Variants in FAM178B observed in about 807,000 individuals in gnomAD.
FAM178B encodes the protein protein FAM178B.
A neutral mutation model predicts 91.7 loss-of-function variants in FAM178B; 82 were observed. The observed-to-expected ratio is 0.89, with a 90% CI of 0.75 to 1.07. FAM178B has a LOEUF of 1.07. FAM178B is among the 50% of genes least tolerant of loss of function. FAM178B has a pLI of 0.00. For synonymous variants in FAM178B, 368 were observed against 359.4 expected (o/e 1.02, Z -0.27); for missense variants, 769 against 846.7 (o/e 0.91, Z 1.14).
At chr2:96,905,816 G>GTGTA (rs1328388189) in intron 12 of FAM178B, among the ~76,000 whole-genome samples, 1 of 36,748 alleles carries the variant, frequency 2.7e-5, no homozygotes, top group Non-Finnish European at 4.5e-5. Flanking sequence ...ACATATATGT[G>GTGTA]TGTATATATA....
Position 96,972,322 on chromosome 2 carries a change from C to T in FAM178B, c.143G>A (p.Gly48Glu). 1 of 1,467,130 alleles carries T rather than the reference C, an allele frequency of 6.8e-7. No homozygotes were observed. The highest frequency in any genetic ancestry group is 1.4e-5 in the South Asian group (1 of 70,650). The allele number at this position is 1,467,130 out of a possible 1,614,324, so 90.9% of individuals were successfully genotyped here. Residue 48 changes from glycine to glutamate, a missense_variant and splice_region_variant, in exon 3 of 17, where the codon GGG (glycine) becomes GAG (glutamate). Gly to Glu is a moderately conservative substitution (Grantham distance 98). Coordinates refer to ENST00000490605, the MANE Select transcript of FAM178B (RefSeq NM_001122646.3). Reference sequence around the variant, plus strand: ...GGGCACGGTGGCGGCAGCCTGCACCCCTGCAGACAGGACAGAATACTGTGG... The same window carrying T: ...GGGCACGGTGGCGGCAGCCTGCACCTCTGCAGACAGGACAGAATACTGTGG... ...ETVLALPLREGVQAAATVPIL... is the reference protein window; with the variant it reads ...ETVLALPLREEVQAAATVPIL...
At chr2:96,922,839 A>G (rs2081365854) in intron 10 of FAM178B, among the ~76,000 whole-genome samples, 9 of 151,060 alleles carry the variant, frequency 6.0e-5, no homozygotes, top group Admixed American at 4.6e-4. Context: ...ACGCCTGGCT[A>G]ATTTTTGTAG....
In FAM178B at chr2:96,913,222, C is replaced by T. The variant is rs546035552; in HGVS notation, c.1562+7943G>A. Among the ~76,000 whole-genome samples, 7 of 152,222 alleles carry T rather than the reference C, an allele frequency of 4.6e-5. No homozygotes were observed. In the South Asian group the frequency reaches 6.2e-4, roughly 14 times the overall value. ...CGTTTGTCTAGTGGGGGTGGCTGTT[C>T]GCTGGGAGTGCAGAGGCTTCAGCAG... On this transcript the variant is annotated intron_variant, in intron 12 of 16. Coordinates refer to ENST00000490605, the MANE Select transcript of FAM178B (RefSeq NM_001122646.3).
intron 13 of FAM178B, among the ~76,000 whole-genome samples, chr2:96,897,343 G>A (rs1292039823): frequency 6.6e-6 from 1 of 152,212 alleles, no homozygotes; most frequent in African/African-American, 2.4e-5. Flanking sequence ...TAAATGAACA[G>A]TCAAGACTGC....
intron 13 of FAM178B, among the ~76,000 whole-genome samples, chr2:96,901,603 A>C (rs1274491335): frequency 6.6e-6 from 1 of 152,134 alleles, no homozygotes; most frequent in Non-Finnish European, 1.5e-5. Context: ...ATTTGTTTTT[A>C]TGCTTTACTA....
chr2:96,928,775 C>G (rs2081490555), intron 9 of FAM178B, among the ~76,000 whole-genome samples: 1 of 152,084 alleles, frequency 6.6e-6, no homozygotes, highest in Non-Finnish European at 1.5e-5. Context: ...ATACTCAGAT[C>G]CTCAGGCGGG....
In FAM178B at chr2:96,877,926, G is replaced by T; in HGVS notation, c.1971C>A (p.Ile657=). ...AGTGGGTCAGCAGCTCCTGCCAACG[G>T]ATGTAGGTCTGGGTAGCCAGGTCCT... ...MLKDLATQTY[I]RWQELLTHCQ... The change falls in exon 16 of 17, where the codon ATC becomes ATA. Residue 657 remains isoleucine, a synonymous_variant. Transcript: ENST00000490605. The T allele has an allele frequency of 6.2e-7, 1 of 1,613,786 alleles. No homozygotes were observed.
At chr2:96,971,307 T>G (rs1394143698) in intron 3 of FAM178B, among the ~76,000 whole-genome samples, 2 of 133,436 alleles carry the variant, frequency 1.5e-5, no homozygotes, top group Non-Finnish European at 3.2e-5. Flanking sequence ...TCCCTCTCTC[T>G]CTCCTTCCCT....
intron 7 of FAM178B, chr2:96,949,958 G>C: frequency 1.0e-6 from 1 of 984,656 alleles, no homozygotes; most frequent in Non-Finnish European, 1.2e-6. Context: ...GGCAGGGCCA[G>C]AACTCACACC....
chr2:96,881,639 A>G (rs2153367350), intron 14 of FAM178B, among the ~76,000 whole-genome samples: 1 of 150,832 alleles, frequency 6.6e-6, no homozygotes, highest in South Asian at 2.1e-4. Flanking sequence ...GAGGAACATC[A>G]GGGAGGAAAA....
intron 6 of FAM178B, among the ~76,000 whole-genome samples, chr2:96,952,223 G>C (rs191361144): frequency 6.6e-6 from 1 of 152,174 alleles, no homozygotes. Flanking sequence ...TACACAGGGC[G>C]TTTCTGCTCT....
At chr2:96,958,321 C>T (rs547791283) in intron 6 of FAM178B, among the ~76,000 whole-genome samples, 4 of 152,218 alleles carry the variant, frequency 2.6e-5, no homozygotes, top group East Asian at 1.9e-4. Flanking sequence ...CCGCCCGCCT[C>T]GGCCTCCCAA....
chr2:96,905,846 A>ATATATGTGTGTGTGTG (rs1553498435), intron 12 of FAM178B, among the ~76,000 whole-genome samples: 2 of 26,914 alleles, frequency 7.4e-5, no homozygotes, highest in Admixed American at 3.3e-4. Flanking sequence ...ATATATATAT[A>ATATATGTGTGTGTGTG]TATATATATA....
intron 14 of FAM178B, among the ~76,000 whole-genome samples, chr2:96,889,871 G>C (rs1301800516): frequency 2.0e-5 from 3 of 151,884 alleles, no homozygotes; most frequent in Non-Finnish European, 2.9e-5. Context: ...CGTTGAGATG[G>C]CTCATGCCTG....
chr2:96,928,202 G>C (rs2081478729), intron 9 of FAM178B, among the ~76,000 whole-genome samples: 2 of 152,196 alleles, frequency 1.3e-5, no homozygotes, highest in Non-Finnish European at 2.9e-5. Context: ...CTGACGGATT[G>C]TCAGCGGGAA....
At chr2:96,981,911 C>T (rs544903499) in intron 1 of FAM178B, among the ~76,000 whole-genome samples, 26 of 151,736 alleles carry the variant, frequency 1.7e-4, no homozygotes, top group Non-Finnish European at 3.4e-4. Context: ...TACAAAAAAA[C>T]GCAAAAATTA....
intron 8 of FAM178B, among the ~76,000 whole-genome samples, chr2:96,944,020 A>C (rs538085516): frequency 6.6e-6 from 1 of 152,250 alleles, no homozygotes; most frequent in African/African-American, 2.4e-5. Flanking sequence ...AAGTGGGTGG[A>C]TCACCTGAGG....
intron 13 of FAM178B, among the ~76,000 whole-genome samples, chr2:96,894,432 A>T (rs1176838348): frequency 1.1e-5 from 1 of 90,410 alleles, no homozygotes; most frequent in Non-Finnish European, 2.1e-5. Context: ...ACCCACGTAC[A>T]CACAGACCCA....
At chr2:96,970,643 T>C (rs1421672526) in intron 4 of FAM178B, 73 bp downstream of exon 4, 1 of 1,181,914 alleles carries the variant, frequency 8.5e-7, no homozygotes, top group East Asian at 2.5e-5. Context: ...GACCAGACTC[T>C]GCAGTGAGTC....
Sources: gnomAD v4.1 joint callset for allele counts (sites outside exome capture counted in the v4.1 genomes callset) on GRCh38, gnomAD v4.1.1 for gene constraint, MANE v1.5 for transcripts, NCBI Gene and HGNC (gene_info 2026-07-23, HGNC 2026-07-21) for gene names.